The following RTN1 variants were observed in gnomAD, a reference collection of about 807,000 sequenced individuals.
The protein encoded by RTN1 is reticulon-1.
Under a neutral mutation model 65.5 loss-of-function variants are expected in RTN1, and 25 were observed. The observed-to-expected ratio is 0.38, with a 90% CI of 0.28 to 0.53. The LOEUF (loss-of-function observed/expected upper bound fraction) is 0.53. Among genes scored for constraint, RTN1 ranks in the 20% least tolerant of loss-of-function variants. RTN1 has a pLI of 0.79. For synonymous variants in RTN1, 471 were observed against 447.6 expected (o/e 1.05, Z -0.66); for missense variants, 983 against 1,025.4 (o/e 0.96, Z 0.57).
intron 3 of RTN1, among the ~76,000 whole-genome samples, chr14:59,645,268 A>G (rs1227908896): frequency 1.3e-5 from 2 of 152,102 alleles, no homozygotes; most frequent in African/African-American, 4.8e-5. Context: ...TGCAGCCTTG[A>G]TTGTTGATAC....
chr14:59,820,827 T>C (rs1171787503), intron 1 of RTN1, among the ~76,000 whole-genome samples: 1 of 152,252 alleles, frequency 6.6e-6, no homozygotes, highest in African/African-American at 2.4e-5. Flanking sequence ...GTTGTATGTA[T>C]GCAGCTTTAT....
At chr14:59,693,572 T>C (rs1427902882) in intron 3 of RTN1, among the ~76,000 whole-genome samples, 1 of 152,194 alleles carries the variant, frequency 6.6e-6, no homozygotes, top group Non-Finnish European at 1.5e-5. Flanking sequence ...TGCATCCTCA[T>C]AGCTTAGCTC....
chr14:59,619,327 A>C (rs1882192891), intron 3 of RTN1, among the ~76,000 whole-genome samples: 1 of 152,230 alleles, frequency 6.6e-6, no homozygotes, highest in Non-Finnish European at 1.5e-5. Flanking sequence ...ATGACATCTA[A>C]GCAGGGCATT....
chr14:59,744,669 A>G (rs1885179357), intron 2 of RTN1, among the ~76,000 whole-genome samples: 1 of 152,162 alleles, frequency 6.6e-6, no homozygotes, highest in Admixed American at 6.5e-5. Flanking sequence ...GTTGAGATTG[A>G]AAGGGGAAGG....
At chr14:59,722,956 C>G (rs1055893878) in intron 3 of RTN1, among the ~76,000 whole-genome samples, 4 of 151,924 alleles carry the variant, frequency 2.6e-5, no homozygotes, top group Non-Finnish European at 5.9e-5. Flanking sequence ...CACCACCACA[C>G]CCAACTAATT....
chr14:59,768,131 T>C (rs1352361362), intron 1 of RTN1, among the ~76,000 whole-genome samples: 1 of 152,204 alleles, frequency 6.6e-6, no homozygotes, highest in Non-Finnish European at 1.5e-5. Flanking sequence ...TTTCCACTTA[T>C]TTACTAATTG....
Position 59,766,488 on chromosome 14 carries a change from C to T in RTN1, c.242-20007G>A, listed in dbSNP as rs1328117061. Among the ~76,000 whole-genome samples the T allele has an allele frequency of 1.3e-5, 2 of 152,108 alleles. No homozygotes were observed. Among genetic ancestry groups the T allele is most frequent in the East Asian group, 3.9e-4 (2 of 5,190 alleles). On this transcript the variant is annotated intron_variant, in intron 1 of 8. Transcript: ENST00000267484. The surrounding 1 kb of genome is among the most constrained non-coding windows in gnomAD (Gnocchi z 4.4). ...TACCTGTAAGTTGGTAAGGTAGCTG[C>T]TCTTATATCTGGGGAAGAAACTAGG...
chr14:59,597,369 A>C (rs796605127), intron 8 of RTN1, among the ~76,000 whole-genome samples: 1 of 152,238 alleles, frequency 6.6e-6, no homozygotes, highest in South Asian at 2.1e-4. Flanking sequence ...ATACTCATTA[A>C]AATGTGGGCA....
At chr14:59,799,885 G>A (rs1353387692) in intron 1 of RTN1, among the ~76,000 whole-genome samples, 1 of 152,164 alleles carries the variant, frequency 6.6e-6, no homozygotes, top group Admixed American at 6.5e-5. Flanking sequence ...CAGACAAAGA[G>A]GTAGAGGTGC....
At chr14:59,736,988 T>C (rs187642038) in intron 2 of RTN1, among the ~76,000 whole-genome samples, 1 of 152,206 alleles carries the variant, frequency 6.6e-6, no homozygotes, top group Non-Finnish European at 1.5e-5. Context: ...AAACTGTCAA[T>C]AAACTGGGTT....
rs1594650033 is a variant in RTN1 at position 59,644,354 on chromosome 14, G to A, written c.1766-36862C>T. Among the ~76,000 whole-genome samples the A allele has an allele frequency of 2.0e-5, 3 of 152,196 alleles. No individual in the cohort carries two copies. In the East Asian group the frequency reaches 5.8e-4, roughly 29 times the overall value. On this transcript the variant is annotated intron_variant, in intron 3 of 8. Coordinates refer to ENST00000267484, the MANE Select transcript of RTN1 (RefSeq NM_021136.3). ...CTCCCCTACCTGGGAATCGGTGAGT[G>A]AGTGAGTGACCCTAAGACCCATGCT...
At chr14:59,809,035 C>T (rs908282939) in intron 1 of RTN1, among the ~76,000 whole-genome samples, 7 of 152,158 alleles carry the variant, frequency 4.6e-5, no homozygotes, top group Non-Finnish European at 1.0e-4. Context: ...AACGGGCTAA[C>T]AAAAACTGTT....
chr14:59,635,145 A>G (rs1882636654), intron 3 of RTN1, among the ~76,000 whole-genome samples: 1 of 152,212 alleles, frequency 6.6e-6, no homozygotes, highest in Non-Finnish European at 1.5e-5. Flanking sequence ...GCAGACAAGG[A>G]GAAAATCTTA....
chr14:59,667,283 T>C (rs10135015), intron 3 of RTN1, among the ~76,000 whole-genome samples: 61,376 of 152,018 alleles, frequency 0.4, 12,974 homozygotes, highest in African/African-American at 0.51. Context: ...GCTTCATCAC[T>C]GGGATGCAAG....
rs562951505 is a variant in RTN1, at chr14:59,764,390, G to A, written c.242-17909C>T. ...GGCTGGAATGCAATGGCGCAACCTC[G>A]GCTCACTGCAACCTCCGCCTCCTAG... On this transcript the variant is annotated intron_variant, in intron 1 of 8. Coordinates refer to ENST00000267484, the MANE Select transcript of RTN1 (RefSeq NM_021136.3). Among the ~76,000 whole-genome samples the A allele has an allele frequency of 7.3e-5, 11 of 151,274 alleles. No individual in the cohort carries two copies. In the South Asian group the frequency reaches 1.0e-3, roughly 14 times the overall value.
intron 1 of RTN1, among the ~76,000 whole-genome samples, chr14:59,807,872 T>C (rs1361146897): frequency 6.6e-6 from 1 of 152,212 alleles, no homozygotes; most frequent in East Asian, 1.9e-4. Flanking sequence ...AAAAATAAAA[T>C]TGTTTTCATT....
At position 59,603,239 on chromosome 14, in the gene RTN1, A is replaced by G. The variant is rs1881636584; in HGVS notation, c.2202T>C (p.Thr734=). 5 of 1,612,896 alleles carry G rather than the reference A, an allele frequency of 3.1e-6. No homozygotes were observed. Among genetic ancestry groups the G allele is most frequent in the Non-Finnish European group, 4.2e-6 (5 of 1,179,530 alleles). Residue 734 remains threonine (T), a synonymous_variant, in exon 7 of 9, where the codon ACT becomes ACC. Coordinates refer to ENST00000267484, the MANE Select transcript of RTN1 (RefSeq NM_021136.3). ...GGTGCTTAACATACACTACAGGTAGAGTAAACATTGAAACCACAGCTGGGA... is the reference window on the plus strand; with the variant it reads ...GGTGCTTAACATACACTACAGGTAGGGTAAACATTGAAACCACAGCTGGGA... ...LLLMAVVSMF[T]LPVVYVKHQA... is the part of the protein sequence containing the mutation.
At chr14:59,705,762 A>G (rs1407403773) in intron 3 of RTN1, among the ~76,000 whole-genome samples, 1 of 152,174 alleles carries the variant, frequency 6.6e-6, no homozygotes, top group Non-Finnish European at 1.5e-5. Context: ...TTGTTTGTAT[A>G]TATGTCCCTA....
At chr14:59,609,464 A>G (rs1881877243) in intron 3 of RTN1, among the ~76,000 whole-genome samples, 1 of 152,196 alleles carries the variant, frequency 6.6e-6, no homozygotes, top group South Asian at 2.1e-4. Flanking sequence ...AAGCACCAAA[A>G]GCCATAATCT....
Sources: allele counts gnomAD v4.1 joint callset (sites outside exome capture counted in the v4.1 genomes callset), GRCh38; gene constraint gnomAD v4.1.1; non-coding constraint Gnocchi (gnomAD v3.1); transcripts MANE v1.5; gene names NCBI Gene and HGNC (gene_info 2026-07-23, HGNC 2026-07-21).